The following ADAT2 variants were observed in gnomAD, a reference collection of about 807,000 sequenced individuals.
The protein encoded by ADAT2 is tRNA-specific adenosine-34 deaminase catalytic subunit ADAT2.
In ADAT2, 26 loss-of-function variants were observed where a neutral mutation model predicts 25.9. The observed-to-expected ratio is 1.00, with a 90% CI of 0.74 to 1.39. ADAT2 has a LOEUF of 1.39. Among genes scored for constraint, ADAT2 ranks in the 40% most tolerant of loss-of-function variants. ADAT2 has a pLI of 0.00. For synonymous variants in ADAT2, 76 were observed against 86.8 expected (o/e 0.88, Z 0.69); for missense variants, 220 against 244.8 (o/e 0.90, Z 0.68).
intron 2 of ADAT2, among the ~76,000 whole-genome samples, chr6:143,435,648 ATAAG>A (rs1023708946): frequency 3.3e-5 from 5 of 152,212 alleles, no homozygotes; most frequent in Non-Finnish European, 7.3e-5. Context: ...CTACTCCTAA[ATAAG>A]TATCTATACA....
At position 143,442,872 on chromosome 6, in the gene ADAT2, G is replaced by A. The variant is rs1454059456; in HGVS notation, c.97-4178C>T. Among the ~76,000 whole-genome samples, 1 of 152,124 alleles carries A rather than the reference G, an allele frequency of 6.6e-6. No individual in the cohort carries two copies. Among genetic ancestry groups the A allele is most frequent in the Non-Finnish European group, 1.5e-5 (1 of 68,020 alleles). ...GTGGTGGCAATTTAGGTGGAATGGT[G>A]GAGATGAAAACCAGTAGCTTGAACA... On this transcript the variant is annotated intron_variant, in intron 1 of 5. Transcript: ENST00000237283. The surrounding 1 kb of genome is among the most constrained non-coding windows in gnomAD (Gnocchi z 4.6).
At chr6:143,443,847 A>G (rs1779526531) in intron 1 of ADAT2, among the ~76,000 whole-genome samples, 1 of 144,340 alleles carries the variant, frequency 6.9e-6, no homozygotes, top group Non-Finnish European at 1.5e-5. Context: ...AAAAAAAGTT[A>G]AAAAAAAAAA....
At chr6:143,431,104 C>T (rs1375820654) in intron 4 of ADAT2, among the ~76,000 whole-genome samples, 1 of 152,188 alleles carries the variant, frequency 6.6e-6, no homozygotes, top group Admixed American at 6.5e-5. Flanking sequence ...CCACTGTTCT[C>T]CTTAGAATCT....
chr6:143,444,876 T>C lies in ADAT2; in HGVS notation c.96+5687A>G. ...ATTTTCTCCAAAGACATTACTACTA[T>C]AAACTGCTTTCTAGTGATGTCATGA... On this transcript the variant is annotated intron_variant, in intron 1 of 5. Transcript: ENST00000237283. This position sits in a 1 kb window ranked among gnomAD's most constrained non-coding sequence, Gnocchi z 4.3. 8.1e-7 allele frequency: 1 copy of C among 1,231,566 alleles called. No homozygotes were observed. The highest frequency in any genetic ancestry group is 1.1e-6 in the Non-Finnish European group (1 of 930,938). 76.3% of individuals were successfully genotyped at this position (1,231,566 alleles called of 1,614,324 possible).
chr6:143,450,144 T>A (rs2128744634), intron 1 of ADAT2, among the ~76,000 whole-genome samples: 1 of 152,288 alleles, frequency 6.6e-6, no homozygotes, highest in South Asian at 2.1e-4. Flanking sequence ...ACGCCGATTG[T>A]ACAGGGACTT....
chr6:143,445,172 C>G (rs1363502244), intron 1 of ADAT2, among the ~76,000 whole-genome samples: 1 of 151,840 alleles, frequency 6.6e-6, no homozygotes, highest in African/African-American at 2.4e-5. Flanking sequence ...ATTCCATCAA[C>G]TTTAAATTCT....
rs7755370 is a variant in ADAT2, at chr6:143,437,456, C to T, written c.201+1134G>A. Among the ~76,000 whole-genome samples the T allele has an allele frequency of 0.28, 42,844 of 151,946 alleles. 6,297 individuals carry two copies. The highest frequency in any genetic ancestry group is 0.32 in the Admixed American group (4,900 of 15,272). On this transcript the variant is annotated intron_variant, in intron 2 of 5. Coordinates refer to ENST00000237283, the MANE Select transcript of ADAT2 (RefSeq NM_182503.3). This position sits in a 1 kb window ranked among gnomAD's most constrained non-coding sequence, Gnocchi z 4.1. ...CACTTCCCTTGTAATATTAGTCTCT[C>T]TGTTACTGATTTCTAAGAACTCATT...
chr6:143,447,790 T>C (rs554291966), intron 1 of ADAT2, among the ~76,000 whole-genome samples: 2 of 152,300 alleles, frequency 1.3e-5, no homozygotes, highest in East Asian at 1.9e-4. Flanking sequence ...GCTTTTACAC[T>C]GTTGGTGGGA....
Position 143,437,083 on chromosome 6 carries a change from G to A in ADAT2, c.201+1507C>T, listed in dbSNP as rs1261539968. On this transcript the variant is annotated intron_variant, in intron 2 of 5. Transcript: ENST00000237283. This position sits in a 1 kb window ranked among gnomAD's most constrained non-coding sequence, Gnocchi z 4.1. ...CAAATTGATAAAAAAGTTTTTTTGG[G>A]GGGCTGACATATTAACTACAGATTT... 6.6e-6 allele frequency among the ~76,000 whole-genome samples: 1 copy of A among 151,822 alleles called. No individual in the cohort carries two copies. Among genetic ancestry groups the A allele is most frequent in the Non-Finnish European group, 1.5e-5 (1 of 67,946 alleles).
rs1400833404 is a variant in ADAT2, at chr6:143,422,985, T to C, written c.*5478A>G. 6.6e-6 allele frequency: 1 copy of C among 152,232 alleles called. No homozygotes were observed. The highest frequency in any genetic ancestry group is 1.5e-5 in the Non-Finnish European group (1 of 68,040). The allele number at this position is 152,232 out of a possible 1,614,324, so 9.4% of individuals were successfully genotyped here. On this transcript the variant is annotated 3_prime_UTR_variant, in exon 6 of 6. Transcript: ENST00000237283. The surrounding 1 kb of genome is among the most constrained non-coding windows in gnomAD (Gnocchi z 4.3). ...ATCTTAGATTTTTCCTTTACATTTATAGACCAACTTTTCAAAAGGAAAAAA... is the reference window on the plus strand; with the variant it reads ...ATCTTAGATTTTTCCTTTACATTTACAGACCAACTTTTCAAAAGGAAAAAA...
At position 143,423,447 on chromosome 6, in the gene ADAT2, A is replaced by G. The variant is rs1183639727; in HGVS notation, c.*5016T>C. The G allele has an allele frequency of 2.0e-5, 3 of 152,220 alleles. No individual in the cohort carries two copies. The highest frequency in any genetic ancestry group is 4.4e-5 in the Non-Finnish European group (3 of 68,046). The allele number at this position is 152,220 out of a possible 1,614,324, so 9.4% of individuals were successfully genotyped here. The stretch of plus-strand genomic sequence containing the variant: ...GCGGGCTGGATATGGCCCATGGGCC[A>G]TACTTTGTGGACTCCTGCTCTAGAT... On this transcript the variant is annotated 3_prime_UTR_variant, in exon 6 of 6. Transcript: ENST00000237283.
At chr6:143,439,444 C>T (rs161054) in intron 1 of ADAT2, among the ~76,000 whole-genome samples, 14,129 of 151,618 alleles carry the variant, frequency 0.093, 849 homozygotes, top group East Asian at 0.19. Flanking sequence ...GCACAGGTGG[C>T]CATCAACAAG....
In ADAT2 at chr6:143,428,699, A is replaced by G. The variant is rs530161458; in HGVS notation, c.460-15T>C. On this transcript the variant is annotated splice_polypyrimidine_tract_variant and intron_variant, in intron 4 of 5. Transcript: ENST00000237283. This position sits in a 1 kb window ranked among gnomAD's most constrained non-coding sequence, Gnocchi z 5.0. ...CCAGGGATACACTGATGGAATGAGA[A>G]AGTTGAGAATAAACATAGGCCTATG... 6.2e-7 allele frequency: 1 copy of G among 1,613,154 alleles called. No individual in the cohort carries two copies. Among genetic ancestry groups the G allele is most frequent in the African/African-American group, 1.3e-5 (1 of 75,038 alleles).
intron 1 of ADAT2, chr6:143,449,795 T>C (rs1779706577): frequency 6.6e-6 from 1 of 152,260 alleles, no homozygotes; most frequent in South Asian, 2.1e-4. Context: ...GAAGTCTACA[T>C]AGAAACTAGG....
At chr6:143,449,698 A>G (rs576617333) in intron 1 of ADAT2, 38 of 152,322 alleles carry the variant, frequency 2.5e-4, no homozygotes, top group African/African-American at 7.9e-4. Context: ...CTTAACTGGG[A>G]TAAAAGTTTG....
At chr6:143,448,787 T>C (rs1160622141) in intron 1 of ADAT2, among the ~76,000 whole-genome samples, 1 of 151,974 alleles carries the variant, frequency 6.6e-6, no homozygotes, top group East Asian at 1.9e-4. Context: ...GTGGGACAAC[T>C]GCCCGGGCCC....
intron 2 of ADAT2, 141 bp downstream of exon 2, chr6:143,438,449 A>C (rs780378191): frequency 1.9e-6 from 1 of 519,304 alleles, no homozygotes; most frequent in Non-Finnish European, 3.4e-6. Context: ...ATACTGAAAA[A>C]GAGAGACGTT....
At chr6:143,445,893 A>G (rs1779585482) in intron 1 of ADAT2, among the ~76,000 whole-genome samples, 1 of 152,168 alleles carries the variant, frequency 6.6e-6, no homozygotes, top group Non-Finnish European at 1.5e-5. Flanking sequence ...ATGTTATATT[A>G]ATATCAATTG....
At chr6:143,447,877 C>A (rs758924547) in intron 1 of ADAT2, among the ~76,000 whole-genome samples, 7 of 152,112 alleles carry the variant, frequency 4.6e-5, no homozygotes, top group Non-Finnish European at 1.0e-4. Flanking sequence ...GCCATTTGAC[C>A]CAGCCATCCC....
Sources: allele counts gnomAD v4.1 joint callset (sites outside exome capture counted in the v4.1 genomes callset), GRCh38; gene constraint gnomAD v4.1.1; non-coding constraint Gnocchi (gnomAD v3.1); transcripts MANE v1.5; gene names NCBI Gene and HGNC (gene_info 2026-07-23, HGNC 2026-07-21).